PIEZO2: variants seen among roughly 807,000 people sequenced by gnomAD.
PIEZO2 encodes the protein piezo-type mechanosensitive ion channel component 2.
PIEZO2 carries 172 observed loss-of-function variants against 337.3 expected under a neutral mutation model. The ratio of observed to expected loss-of-function variants is 0.51; its 90% CI spans 0.45 to 0.58. The LOEUF is 0.58. Ranked by LOEUF, PIEZO2 falls within the 20% of genes least tolerant of loss-of-function variation. The pLI, the probability that PIEZO2 is intolerant of heterozygous loss-of-function variation, is 0.00. For missense variants in PIEZO2, 3,028 were observed against 3,391.3 expected (o/e 0.89, Z 2.66); for synonymous variants, 1,251 against 1,228.5 (o/e 1.02, Z -0.38).
rs2041061260 is a variant in PIEZO2, at chr18:10,837,720, CCCAA to C, written c.917+17629_917+17632del. Among the ~76,000 whole-genome samples the C allele has an allele frequency of 6.6e-6, 1 of 152,068 alleles. No individual in the cohort carries two copies. Among genetic ancestry groups the C allele is most frequent in the South Asian group, 2.1e-4 (1 of 4,820 alleles). On this transcript the variant is annotated intron_variant, in intron 7 of 55. Transcript: ENST00000674853. The surrounding 1 kb of genome is among the most constrained non-coding windows in gnomAD (Gnocchi z 4.4). ...ATCCTCACAAAGCAATGTTTGTGTTCCCAACCATTTTATAAAATTTCCTCATTTT... is the reference window on the plus strand; with the variant it reads ...ATCCTCACAAAGCAATGTTTGTGTTCCCATTTTATAAAATTTCCTCATTTT...
intron 27 of PIEZO2, among the ~76,000 whole-genome samples, chr18:10,754,613 A>G (rs1451146091): frequency 6.6e-6 from 1 of 152,258 alleles, no homozygotes; most frequent in Admixed American, 6.5e-5. Flanking sequence ...CCTTTGCAAT[A>G]GTAAATATTG....
rs1302578382 is a variant in PIEZO2 at position 10,789,301 on chromosome 18, C to T, written c.1947G>A (p.Lys649=). Reference sequence around the variant, plus strand: ...CCTTCTTTCTCTCTTGCTTCTCTTCCTTCGCTTCCTCTTCTTCCTCCTCTT... The same window carrying T: ...CCTTCTTTCTCTCTTGCTTCTCTTCTTTCGCTTCCTCTTCTTCCTCCTCTT... ...EPKEEEEEEA[K]EEKQERKKVE... The change falls in exon 15 of 56, where the codon AAG becomes AAA. Residue 649 remains lysine (K), a synonymous_variant. Transcript: ENST00000674853. The T allele has an allele frequency of 9.8e-6, 15 of 1,537,232 alleles. No homozygotes were observed. The highest frequency in any genetic ancestry group is 7.3e-5 in the East Asian group (3 of 40,920).
At chr18:11,025,784 A>C (rs2036519254) in intron 2 of PIEZO2, among the ~76,000 whole-genome samples, 2 of 152,162 alleles carry the variant, frequency 1.3e-5, no homozygotes, top group Non-Finnish European at 2.9e-5. Flanking sequence ...AGCACCCCTC[A>C]TCATTTTCTC....
At chr18:10,814,845 G>T (rs144299917) in intron 7 of PIEZO2, among the ~76,000 whole-genome samples, 1 of 152,188 alleles carries the variant, frequency 6.6e-6, no homozygotes. Flanking sequence ...TGAGAGCAGG[G>T]GAACACATGA....
intron 9 of PIEZO2, among the ~76,000 whole-genome samples, chr18:10,802,040 C>T (rs1328672822): frequency 6.9e-6 from 1 of 145,514 alleles, no homozygotes; most frequent in Non-Finnish European, 1.5e-5. Flanking sequence ...GAGCCGAGAT[C>T]CCGCCACTGC....
chr18:10,879,391 C>CTTT (rs11385433), intron 4 of PIEZO2, among the ~76,000 whole-genome samples: 3,358 of 105,636 alleles, frequency 0.032, 170 homozygotes, highest in African/African-American at 0.076. Flanking sequence ...CCTTTCCAAT[C>CTTT]TTTTTTTTTT....
chr18:10,700,767 G>A (rs2035297290), intron 43 of PIEZO2, among the ~76,000 whole-genome samples: 2 of 152,114 alleles, frequency 1.3e-5, no homozygotes, highest in Admixed American at 6.5e-5. Context: ...ACAAAAATCA[G>A]TATACTAAAT....
In PIEZO2 at chr18:10,854,971, A is replaced by G. The variant is rs374187850; in HGVS notation, c.917+382T>C. ...AATTAGTTAATGTTTCTGACGCTTAATTTGTTCTCGTATATTAGGCCCATG... is the reference window on the plus strand; with the variant it reads ...AATTAGTTAATGTTTCTGACGCTTAGTTTGTTCTCGTATATTAGGCCCATG... On this transcript the variant is annotated intron_variant, in intron 7 of 55. Coordinates refer to ENST00000674853, the MANE Select transcript of PIEZO2 (RefSeq NM_001378183.1). The surrounding 1 kb of genome is among the most constrained non-coding windows in gnomAD (Gnocchi z 4.6). 3.3e-5 allele frequency among the ~76,000 whole-genome samples: 5 copies of G among 152,218 alleles called. No homozygotes were observed. The highest frequency in any genetic ancestry group is 7.4e-5 in the Non-Finnish European group (5 of 68,014).
chr18:11,137,201 T>C (rs1253848839), intron 1 of PIEZO2, among the ~76,000 whole-genome samples: 1 of 152,136 alleles, frequency 6.6e-6, no homozygotes, highest in Non-Finnish European at 1.5e-5. Context: ...TAATCAACTG[T>C]TTTGTAAAAT....
In PIEZO2 at chr18:11,128,455, G is replaced by A. The variant is rs1463414458; in HGVS notation, c.64+20070C>T. ...ATGGGACCCTGCAACTTGGAATGGG[G>A]ATGTGTGGGAGGACCCTGATGAAGC... On this transcript the variant is annotated intron_variant, in intron 1 of 55. Coordinates refer to ENST00000674853, the MANE Select transcript of PIEZO2 (RefSeq NM_001378183.1). The surrounding 1 kb of genome is among the most constrained non-coding windows in gnomAD (Gnocchi z 4.1). Among the ~76,000 whole-genome samples, 6 of 152,152 alleles carry A rather than the reference G, an allele frequency of 3.9e-5. No homozygotes were observed. Among genetic ancestry groups the A allele is most frequent in the Non-Finnish European group, 7.3e-5 (5 of 68,038 alleles).
At position 11,094,071 on chromosome 18, in the gene PIEZO2, TG is replaced by T. The variant is rs959314043; in HGVS notation, c.65-27850del. On this transcript the variant is annotated intron_variant, in intron 1 of 55. Coordinates refer to ENST00000674853, the MANE Select transcript of PIEZO2 (RefSeq NM_001378183.1). This position sits in a 1 kb window ranked among gnomAD's most constrained non-coding sequence, Gnocchi z 4.4. The stretch of plus-strand genomic sequence containing the variant: ...GCGGCTCACTGCAACCTCTGCCTCC[TG>T]GGTTCAAGCGATTCTCCTGCTTCAG... Among the ~76,000 whole-genome samples, 2 of 151,988 alleles carry T rather than the reference TG, an allele frequency of 1.3e-5. No individual in the cohort carries two copies. The highest frequency in any genetic ancestry group is 4.8e-5 in the African/African-American group (2 of 41,372).
rs1462358788 is a variant in PIEZO2 at position 11,083,644 on chromosome 18, G to A, written c.65-17422C>T. On this transcript the variant is annotated intron_variant, in intron 1 of 55. Coordinates refer to ENST00000674853, the MANE Select transcript of PIEZO2 (RefSeq NM_001378183.1). This position sits in a 1 kb window ranked among gnomAD's most constrained non-coding sequence, Gnocchi z 4.4. The stretch of plus-strand genomic sequence containing the variant: ...GCAGAGTCTGAGGGCACAGAGTTTT[G>A]CCTTTAATCCGATGTGAGGTAGAAT... 3.3e-5 allele frequency among the ~76,000 whole-genome samples: 5 copies of A among 152,136 alleles called. No homozygotes were observed. The highest frequency in any genetic ancestry group is 1.2e-4 in the African/African-American group (5 of 41,426).
In PIEZO2 at chr18:10,895,418, C is replaced by A. The variant is rs138336967; in HGVS notation, c.329+15768G>T. Among the ~76,000 whole-genome samples, 125 of 152,088 alleles carry A rather than the reference C, an allele frequency of 8.2e-4. No homozygotes were observed. The highest frequency in any genetic ancestry group is 2.9e-3 in the African/African-American group (122 of 41,488). On this transcript the variant is annotated intron_variant, in intron 4 of 55. Transcript: ENST00000674853. The surrounding 1 kb of genome is among the most constrained non-coding windows in gnomAD (Gnocchi z 4.8). ...CCGAGATTGCACCACAGCACTCCAG[C>A]CTGGGCAACAGAGCAAGACTCCGTC...
chr18:10,869,088 A>C (rs1179962375), intron 5 of PIEZO2, among the ~76,000 whole-genome samples: 1 of 152,238 alleles, frequency 6.6e-6, no homozygotes, highest in Non-Finnish European at 1.5e-5. Context: ...AAATGAGCAG[A>C]GCAAATAGCA....
intron 22 of PIEZO2, 68 bp downstream of exon 22, chr18:10,762,854 G>T (rs999853434): frequency 5.4e-6 from 8 of 1,475,944 alleles, no homozygotes; most frequent in Non-Finnish European, 7.2e-6. Context: ...GGGGATGGGG[G>T]TTCCCCAAGT....
Position 10,671,716 on chromosome 18 carries a change from A to G in PIEZO2, c.8409T>C (p.Ser2803=), listed in dbSNP as rs1329385322. The part of the protein sequence containing the change: ...VIGKFVREFF[S]GISHSIMFEE... The stretch of plus-strand genomic sequence containing the variant: ...CAAACATGATGGAGTGAGAAATCCC[A>G]CTGAAGAATTCACGGACAAATTTCC... The change falls in exon 56 of 56, where the codon AGT becomes AGC. Residue 2803 remains serine, a synonymous_variant. Transcript: ENST00000674853. 1.1e-5 allele frequency: 17 copies of G among 1,613,860 alleles called. No individual in the cohort carries two copies. The highest frequency in any genetic ancestry group is 1.0e-4 in the Admixed American group (6 of 59,994).
Position 11,009,172 on chromosome 18 carries a change from T to G in PIEZO2, c.161-29512A>C, listed in dbSNP as rs1302127913. On this transcript the variant is annotated intron_variant, in intron 2 of 55. Coordinates refer to ENST00000674853, the MANE Select transcript of PIEZO2 (RefSeq NM_001378183.1). The surrounding 1 kb of genome is among the most constrained non-coding windows in gnomAD (Gnocchi z 4.6). Reference sequence around the variant, plus strand: ...GGTAGGAATCCTGGTAGGTTGCTCTTGCCACGTCACTGTTATTTGCCTGGG... The same window carrying G: ...GGTAGGAATCCTGGTAGGTTGCTCTGGCCACGTCACTGTTATTTGCCTGGG... Among the ~76,000 whole-genome samples, 1 of 152,256 alleles carries G rather than the reference T, an allele frequency of 6.6e-6. No individual in the cohort carries two copies. The highest frequency in any genetic ancestry group is 1.5e-5 in the Non-Finnish European group (1 of 68,034).
At chr18:10,760,269 G>T (rs959726776) in intron 24 of PIEZO2, among the ~76,000 whole-genome samples, 1 of 152,144 alleles carries the variant, frequency 6.6e-6, no homozygotes, top group Admixed American at 6.5e-5. Flanking sequence ...GCAGCTTATG[G>T]TTTCAGAATG....
intron 2 of PIEZO2, among the ~76,000 whole-genome samples, chr18:11,046,488 A>C (rs539515191): frequency 6.6e-6 from 1 of 152,354 alleles, no homozygotes; most frequent in South Asian, 2.1e-4. Context: ...ACTGGTGATA[A>C]ATAAGTAATC....
Sources: allele counts gnomAD v4.1 joint callset (sites outside exome capture counted in the v4.1 genomes callset), GRCh38; gene constraint gnomAD v4.1.1; non-coding constraint Gnocchi (gnomAD v3.1); transcripts MANE v1.5; gene names NCBI Gene and HGNC (gene_info 2026-07-23, HGNC 2026-07-21).